TMEM81: variants seen among roughly 807,000 people sequenced by gnomAD.
TMEM81 encodes the protein transmembrane protein 81.
For synonymous variants in TMEM81, 132 were observed against 119.1 expected (o/e 1.11, Z -0.71); for missense variants, 294 against 300.5 (o/e 0.98, Z 0.16).
In TMEM81 at chr1:205,083,344, A is replaced by C; in HGVS notation, c.*209T>G. On this transcript the variant is annotated 3_prime_UTR_variant, in exon 1 of 1. Transcript: ENST00000367167. Reference sequence around the variant, plus strand: ...ACCCAATGGGCAGGGAAGATCAGGAAGAGATCCATGGGACATAAGGAAGTT... The same window carrying C: ...ACCCAATGGGCAGGGAAGATCAGGACGAGATCCATGGGACATAAGGAAGTT... 3 of 537,014 alleles carry C rather than the reference A, an allele frequency of 5.6e-6. No individual in the cohort carries two copies. Among genetic ancestry groups the C allele is most frequent in the East Asian group, 3.0e-5 (1 of 32,998 alleles). The allele number at this position is 537,014 out of a possible 1,614,324, so 33.3% of individuals were successfully genotyped here.
chr1:205,083,651 C>A lies in TMEM81; in HGVS notation c.670G>T (p.Val224Leu), dbSNP rs779064807. 1.2e-6 allele frequency: 2 copies of A among 1,614,112 alleles called. No homozygotes were observed. Among genetic ancestry groups the A allele is most frequent in the Non-Finnish European group, 1.7e-6 (2 of 1,180,056 alleles). Residue 224 changes from valine (V) to leucine (L), a missense_variant, in exon 1 of 1, where the codon GTG becomes TTG. Transcript: ENST00000367167. ...ATTCCTATTCCCAAGGCTGACGCCA[C>A]CTTCTTTTTCCACTTTGGGTGGTGA... ...KPHHPKWKKK[V>L]ASALGIGIAI...
Position 205,083,756 on chromosome 1 carries a change from T to G in TMEM81, c.565A>C (p.Asn189His), listed in dbSNP as rs753431783. ...RVLPPNLVNL[N>H]FHQSLTEDQK... is the part of the protein sequence containing the mutation. ...TCCTCAGTAAGTGACTGATGGAAAT[T>G]CAGATTCACCAAGTTAGGAGGAAGG... Residue 189 changes from asparagine to histidine, a missense_variant, in exon 1 of 1, where the codon AAT becomes CAT. Physicochemically the swap from Asn to His is moderately conservative, Grantham distance 68. Transcript: ENST00000367167. 9 of 1,614,134 alleles carry G rather than the reference T, an allele frequency of 5.6e-6. No homozygotes were observed. Among genetic ancestry groups the G allele is most frequent in the Middle Eastern group, 3.3e-4 (2 of 6,058 alleles).
chr1:205,084,198 T>C lies in TMEM81; in HGVS notation c.123A>G (p.Lys41=), dbSNP rs766267423. Residue 41 remains lysine, a synonymous_variant, in exon 1 of 1, where the codon AAA becomes AAG. Transcript: ENST00000367167. ...TACAGGTTGTGGCATTGATGATAACTTTCCCCACAGCTTCTTGCAGCTTCT... is the reference window on the plus strand; with the variant it reads ...TACAGGTTGTGGCATTGATGATAACCTTCCCCACAGCTTCTTGCAGCTTCT... ...IPEKLQEAVG[K]VIINATTCTV... is the part of the protein sequence containing the mutation. 6.2e-6 allele frequency: 10 copies of C among 1,614,192 alleles called. No individual in the cohort carries two copies. In the East Asian group the frequency reaches 1.8e-4, roughly 29 times the overall value.
Position 205,084,337 on chromosome 1 carries a change from T to C in TMEM81, c.-17A>G. 1 of 1,604,576 alleles carries C rather than the reference T, an allele frequency of 6.2e-7. No individual in the cohort carries two copies. On this transcript the variant is annotated 5_prime_UTR_variant, in exon 1 of 1. Transcript: ENST00000367167. ...AACCTTCATGTCTCGGTAGGCGTTT[T>C]GCCACCCTCAGCCAGCACCCACAAG...
At position 205,083,796 on chromosome 1, in the gene TMEM81, A is replaced by G. The variant is rs1284890870; in HGVS notation, c.525T>C (p.Tyr175=). 4.3e-6 allele frequency: 7 copies of G among 1,614,244 alleles called. 1 individual carries two copies. In the African/African-American group the frequency reaches 6.7e-5, roughly 15 times the overall value. Residue 175 remains tyrosine, a synonymous_variant, in exon 1 of 1, where the codon TAT becomes TAC. Coordinates refer to ENST00000367167, the MANE Select transcript of TMEM81 (RefSeq NM_203376.2). Reference sequence around the variant, plus strand: ...TAGGAGGAAGGACCCTCAACCCAAAATAGAGCCTCTTGACGAGTCTCAAGT... The same window carrying G: ...TAGGAGGAAGGACCCTCAACCCAAAGTAGAGCCTCTTGACGAGTCTCAAGT... ...VKNLRLVKRL[Y]FGLRVLPPNL...
Position 205,084,125 on chromosome 1 carries a change from C to T in TMEM81, c.196G>A (p.Gly66Ser). 1 of 1,614,174 alleles carries T rather than the reference C, an allele frequency of 6.2e-7. No individual in the cohort carries two copies. The highest frequency in any genetic ancestry group is 1.7e-5 in the Admixed American group (1 of 60,026). The change falls in exon 1 of 1, where the codon GGC (glycine) becomes AGC (serine). Residue 66 changes from glycine (G) to serine (S), a missense_variant. Coordinates refer to ENST00000367167, the MANE Select transcript of TMEM81 (RefSeq NM_203376.2). The part of the protein sequence containing the change: ...GYKEETVCEV[G>S]PDGVRRKCQT... ...CATTTCCTTCTCACTCCATCAGGGC[C>T]CACCTCACAGACGGTCTCCTCCTTA...
Position 205,083,583 on chromosome 1 carries a change from G to A in TMEM81, c.738C>T (p.Leu246=), listed in dbSNP as rs749221520. The change falls in exon 1 of 1, where the codon CTC becomes CTT. Residue 246 remains leucine, a synonymous_variant. Transcript: ENST00000367167. The part of the protein sequence containing the change: ...VVGGVLVRIV[L]CALRGGLQQ ...GCTGCAGGCCCCCCCTTAGCGCACA[G>A]AGGACAATCCTCACCAACACGCCAC... The A allele has an allele frequency of 3.1e-6, 5 of 1,612,850 alleles. No homozygotes were observed. Among genetic ancestry groups the A allele is most frequent in the Non-Finnish European group, 8.5e-7 (1 of 1,179,098 alleles).
rs769055203 is a variant in TMEM81, at chr1:205,083,814, T to C, written c.507A>G (p.Arg169=). 2.5e-6 allele frequency: 4 copies of C among 1,614,136 alleles called. No homozygotes were observed. The East Asian group carries it at 8.9e-5, about 36-fold the overall frequency. The change falls in exon 1 of 1, where the codon AGA becomes AGG. Residue 169 remains arginine, a synonymous_variant. Coordinates refer to ENST00000367167, the MANE Select transcript of TMEM81 (RefSeq NM_203376.2). Reference sequence around the variant, plus strand: ...ACCCAAAATAGAGCCTCTTGACGAGTCTCAAGTTTTTTACCAGCTGCACAT... The same window carrying C: ...ACCCAAAATAGAGCCTCTTGACGAGCCTCAAGTTTTTTACCAGCTGCACAT... ...RCDVQLVKNL[R]LVKRLYFGLR...
rs759069074 is a variant in TMEM81, at chr1:205,083,935, G to T, written c.386C>A (p.Ser129Tyr). Residue 129 changes from serine (S) to tyrosine (Y), a missense_variant, in exon 1 of 1, where the codon TCC (serine) becomes TAC (tyrosine). By Grantham distance (144) the Ser-to-Tyr change is moderately radical. Coordinates refer to ENST00000367167, the MANE Select transcript of TMEM81 (RefSeq NM_203376.2). The stretch of plus-strand genomic sequence containing the variant: ...GGGTTTGAAGACCTCATCGTCAGTG[G>T]AGATGACACCTCGAGCAAGTCTCCA... ...FTWRLARGVI[S>Y]TDDEVFKPFQ... 1 of 1,614,058 alleles carries T rather than the reference G, an allele frequency of 6.2e-7. No homozygotes were observed. The highest frequency in any genetic ancestry group is 8.5e-7 in the Non-Finnish European group (1 of 1,180,040).
Position 205,083,295 on chromosome 1 carries a change from G to T in TMEM81, c.*258C>A. ...TCTTAGAACTCTTCCCAGGAACACA[G>T]GCAATGCTTGCAGTTTCCTGGGTAC... On this transcript the variant is annotated 3_prime_UTR_variant, in exon 1 of 1. Transcript: ENST00000367167. 2.2e-6 allele frequency: 1 copy of T among 457,388 alleles called. No individual in the cohort carries two copies. Among genetic ancestry groups the T allele is most frequent in the East Asian group, 3.4e-5 (1 of 29,436 alleles). The allele number at this position is 457,388 out of a possible 1,614,324, so 28.3% of individuals were successfully genotyped here. A position where few individuals can be genotyped will look rare whatever the true frequency, so the allele number is the denominator to read the frequency against.
chr1:205,083,874 A>G lies in TMEM81; in HGVS notation c.447T>C (p.Tyr149=). 3.7e-6 allele frequency: 6 copies of G among 1,614,222 alleles called. No individual in the cohort carries two copies. The highest frequency in any genetic ancestry group is 5.1e-6 in the Non-Finnish European group (6 of 1,180,044). ...QANSHFVKFK[Y]AQEYDSGTYR... is the part of the protein sequence containing the mutation. ...ATGTCCCAGAGTCATACTCCTGAGCATATTTAAACTTCACAAAGTGGGAGT... is the reference window on the plus strand; with the variant it reads ...ATGTCCCAGAGTCATACTCCTGAGCGTATTTAAACTTCACAAAGTGGGAGT... The change falls in exon 1 of 1, where the codon TAT becomes TAC. Residue 149 remains tyrosine, a synonymous_variant. Coordinates refer to ENST00000367167, the MANE Select transcript of TMEM81 (RefSeq NM_203376.2).
At position 205,084,437 on chromosome 1, in the gene TMEM81, T is replaced by C. The variant is rs946362829; in HGVS notation, c.-117A>G. The C allele has an allele frequency of 7.5e-5, 80 of 1,067,286 alleles. No individual in the cohort carries two copies. The highest frequency in any genetic ancestry group is 6.8e-4 in the South Asian group (42 of 61,594). The allele number at this position is 1,067,286 out of a possible 1,614,324, so 66.1% of individuals were successfully genotyped here. On this transcript the variant is annotated 5_prime_UTR_variant, in exon 1 of 1. Coordinates refer to ENST00000367167, the MANE Select transcript of TMEM81 (RefSeq NM_203376.2). ...AGATATCCTTCAAAGTCAAAAGATA[T>C]GATGCATGTATTGTCAATAAAACAA...
In TMEM81 at chr1:205,084,344, C is replaced by A; in HGVS notation, c.-24G>T. 1.3e-6 allele frequency: 2 copies of A among 1,598,870 alleles called. No individual in the cohort carries two copies. The highest frequency in any genetic ancestry group is 1.3e-5 in the African/African-American group (1 of 74,388). ...ATGTCTCGGTAGGCGTTTTGCCACC[C>A]TCAGCCAGCACCCACAAGGTATTCC... On this transcript the variant is annotated 5_prime_UTR_variant, in exon 1 of 1. In the 5' UTR this introduces an upstream ATG that the reference lacks. Transcript: ENST00000367167.
In TMEM81 at chr1:205,083,828, C is replaced by G. The variant is rs922853469; in HGVS notation, c.493G>C (p.Val165Leu). Residue 165 changes from valine (V) to leucine (L), a missense_variant, in exon 1 of 1, where the codon GTA becomes CTA. Val to Leu is a conservative substitution (Grantham distance 32). Coordinates refer to ENST00000367167, the MANE Select transcript of TMEM81 (RefSeq NM_203376.2). ...SGTYRCDVQLVKNLRLVKRLY... is the reference protein window; with the variant it reads ...SGTYRCDVQLLKNLRLVKRLY... ...CTCTTGACGAGTCTCAAGTTTTTTA[C>G]CAGCTGCACATCACAGCGATATGTC... 6 of 1,614,078 alleles carry G rather than the reference C, an allele frequency of 3.7e-6. No homozygotes were observed. In the African/African-American group the frequency reaches 8.0e-5, roughly 22 times the overall value.
rs1183071652 is a variant in TMEM81, at chr1:205,084,009, A to G, written c.312T>C (p.Cys104=). 9.3e-6 allele frequency: 15 copies of G among 1,614,212 alleles called. No individual in the cohort carries two copies. The highest frequency in any genetic ancestry group is 1.3e-5 in the Non-Finnish European group (15 of 1,180,042). ...ILIGKEFELS[C]LSSDILEFGQ... Reference sequence around the variant, plus strand: ...CAAACTCCAAGATGTCTGAACTCAGACAGCTAAGCTCAAATTCCTTGCCAA... The same window carrying G: ...CAAACTCCAAGATGTCTGAACTCAGGCAGCTAAGCTCAAATTCCTTGCCAA... The change falls in exon 1 of 1, where the codon TGT becomes TGC. Residue 104 remains cysteine, a synonymous_variant. Transcript: ENST00000367167.
At position 205,083,688 on chromosome 1, in the gene TMEM81, G is replaced by A. The variant is rs1233341871; in HGVS notation, c.633C>T (p.Ser211=). The part of the protein sequence containing the change: ...IDEGLEVNLD[S]YSKPHHPKWK... ...ACTTTGGGTGGTGAGGCTTGGAGTA[G>A]CTGTCCAGATTAACTTCCAATCCCT... is the stretch of plus-strand genomic sequence containing the variant. The change falls in exon 1 of 1, where the codon AGC becomes AGT. Residue 211 remains serine, a synonymous_variant. Transcript: ENST00000367167. The A allele has an allele frequency of 6.2e-7, 1 of 1,614,208 alleles. No homozygotes were observed. The highest frequency in any genetic ancestry group is 1.1e-5 in the South Asian group (1 of 91,088).
rs546199250 is a variant in TMEM81 at position 205,083,207 on chromosome 1, G to C, written c.*346C>G. On this transcript the variant is annotated 3_prime_UTR_variant, in exon 1 of 1. Coordinates refer to ENST00000367167, the MANE Select transcript of TMEM81 (RefSeq NM_203376.2). ...TCCCTCTACATGAATACACAGCTCAGAAGAGGGGAAATGGAGGTGGGGAGG... is the reference window on the plus strand; with the variant it reads ...TCCCTCTACATGAATACACAGCTCACAAGAGGGGAAATGGAGGTGGGGAGG... 2 of 264,766 alleles carry C rather than the reference G, an allele frequency of 7.6e-6. No homozygotes were observed. Among genetic ancestry groups the C allele is most frequent in the African/African-American group, 4.4e-5 (2 of 45,450 alleles). The allele number at this position is 264,766 out of a possible 1,614,324, so 16.4% of individuals were successfully genotyped here.
At position 205,083,559 on chromosome 1, in the gene TMEM81, C is replaced by G. The variant is rs1008224368; in HGVS notation, c.762G>C (p.Gln254His). ...TGTTAAGTTCTTGAAGCTGTCACTGCTGCAGGCCCCCCCTTAGCGCACAGA... is the reference window on the plus strand; with the variant it reads ...TGTTAAGTTCTTGAAGCTGTCACTGGTGCAGGCCCCCCCTTAGCGCACAGA... ...IVLCALRGGL[Q>H]Q is the part of the protein sequence containing the mutation. Residue 254 changes from glutamine (Q) to histidine (H), a missense_variant, in exon 1 of 1, where the codon CAG becomes CAC. Coordinates refer to ENST00000367167, the MANE Select transcript of TMEM81 (RefSeq NM_203376.2). The G allele has an allele frequency of 8.1e-6, 13 of 1,600,548 alleles. No individual in the cohort carries two copies. The Admixed American group carries it at 1.5e-4, about 19-fold the overall frequency.
In TMEM81 at chr1:205,083,642, C is replaced by T. The variant is rs755757481; in HGVS notation, c.679G>A (p.Ala227Thr). 6.2e-7 allele frequency: 1 copy of T among 1,614,232 alleles called. No individual in the cohort carries two copies. Among genetic ancestry groups the T allele is most frequent in the South Asian group, 1.1e-5 (1 of 91,092 alleles). The stretch of plus-strand genomic sequence containing the variant: ...CCAATGGCAATTCCTATTCCCAAGG[C>T]TGACGCCACCTTCTTTTTCCACTTT... ...HPKWKKKVAS[A>T]LGIGIAIGVV... The change falls in exon 1 of 1, where the codon GCC (alanine) becomes ACC (threonine). Residue 227 changes from alanine (A) to threonine (T), a missense_variant. Coordinates refer to ENST00000367167, the MANE Select transcript of TMEM81 (RefSeq NM_203376.2).
Sources: allele counts gnomAD v4.1 joint callset, GRCh38; gene constraint gnomAD v4.1.1; transcripts MANE v1.5; gene names NCBI Gene and HGNC (gene_info 2026-07-23, HGNC 2026-07-21).